CNTNAP2: variants seen among roughly 807,000 people sequenced by gnomAD.
CNTNAP2 encodes contactin associated protein 2.
Under a neutral mutation model 155.2 loss-of-function variants are expected in CNTNAP2, and 98 were observed. That is an observed-to-expected ratio of 0.63 (90% CI 0.54 to 0.75). The LOEUF (loss-of-function observed/expected upper bound fraction) is 0.75. CNTNAP2 is among the 30% of genes least tolerant of loss of function. The pLI is 0.00. For missense variants in CNTNAP2, 1,727 were observed against 1,688.1 expected, an observed-to-expected ratio of 1.02 and a Z score of -0.40; for synonymous variants, 651 against 631.2, an observed-to-expected ratio of 1.03 and a Z score of -0.47.
At chr7:148,076,798 C>A (rs1045923009) in intron 15 of CNTNAP2, among the ~76,000 whole-genome samples, 1 of 152,090 alleles carries the variant, frequency 6.6e-6, no homozygotes, top group Non-Finnish European at 1.5e-5. Flanking sequence ...TCCCCTCTTA[C>A]TTTCCACCAT....
chr7:147,889,238 C>T (rs1270498551), intron 13 of CNTNAP2, among the ~76,000 whole-genome samples: 2 of 151,412 alleles, frequency 1.3e-5, no homozygotes, highest in Admixed American at 1.3e-4. Flanking sequence ...ACATTAGTAA[C>T]AATAAAAAGC....
At chr7:147,425,734 A>C (rs915246017) in intron 10 of CNTNAP2, among the ~76,000 whole-genome samples, 1 of 152,118 alleles carries the variant, frequency 6.6e-6, no homozygotes, top group Non-Finnish European at 1.5e-5. Context: ...GAAAATATCG[A>C]AGAGATGAAT....
intron 15 of CNTNAP2, among the ~76,000 whole-genome samples, chr7:147,999,854 C>T (rs1801867529): frequency 6.6e-6 from 1 of 152,284 alleles, no homozygotes; most frequent in African/African-American, 2.4e-5. Flanking sequence ...CTGCCAGAGC[C>T]TGGGAGAGAG....
intron 13 of CNTNAP2, among the ~76,000 whole-genome samples, chr7:147,736,974 C>T (rs1584928913): frequency 6.6e-6 from 1 of 152,288 alleles, no homozygotes; most frequent in African/African-American, 2.4e-5. Flanking sequence ...CGAACTTCTT[C>T]CTTTAGCTCA....
intron 3 of CNTNAP2, among the ~76,000 whole-genome samples, chr7:146,957,812 G>A (rs1418097124): frequency 5.3e-5 from 8 of 152,050 alleles, no homozygotes; most frequent in Non-Finnish European, 7.4e-5. Context: ...TTAGAACAAT[G>A]AACAAAGAAT....
At chr7:146,810,014 T>C (rs899663323) in intron 2 of CNTNAP2, among the ~76,000 whole-genome samples, 3 of 152,192 alleles carry the variant, frequency 2.0e-5, no homozygotes, top group Non-Finnish European at 2.9e-5. Flanking sequence ...ACATTTGGAG[T>C]TAATTTTTGT....
chr7:146,551,391 T>C (rs370857050), intron 1 of CNTNAP2, among the ~76,000 whole-genome samples: 1 of 152,064 alleles, frequency 6.6e-6, no homozygotes, highest in Non-Finnish European at 1.5e-5. Context: ...ATGTGGTGTT[T>C]GGTTTTTTGT....
At chr7:146,407,415 C>A (rs957362421) in intron 1 of CNTNAP2, among the ~76,000 whole-genome samples, 1 of 152,032 alleles carries the variant, frequency 6.6e-6, no homozygotes, top group Non-Finnish European at 1.5e-5. Flanking sequence ...ATGAAATGTA[C>A]GATTTTACCA....
At chr7:147,829,145 A>G (rs1798508505) in intron 13 of CNTNAP2, among the ~76,000 whole-genome samples, 1 of 152,192 alleles carries the variant, frequency 6.6e-6, no homozygotes, top group African/African-American at 2.4e-5. Flanking sequence ...AGGACATCAG[A>G]ACATAATGCA....
rs565501709 is a variant in CNTNAP2, at chr7:147,093,378, T to C, written c.551-14769T>C. 1.1e-4 allele frequency among the ~76,000 whole-genome samples: 17 copies of C among 152,240 alleles called. 1 individual carries two copies. The South Asian group carries it at 3.5e-3, about 32-fold the overall frequency. ...ATTAAATTAAATATTTATTATATTCTGCTGACATATATGTGGTAGTTTGAA... is the reference window on the plus strand; with the variant it reads ...ATTAAATTAAATATTTATTATATTCCGCTGACATATATGTGGTAGTTTGAA... On this transcript the variant is annotated intron_variant, in intron 4 of 23. Coordinates refer to ENST00000361727, the MANE Select transcript of CNTNAP2 (RefSeq NM_014141.6).
intron 3 of CNTNAP2, among the ~76,000 whole-genome samples, chr7:146,995,502 C>G (rs1798292399): frequency 6.6e-6 from 1 of 151,946 alleles, no homozygotes. Context: ...CACTTGTTAT[C>G]TTTTTTCTTT....
intron 19 of CNTNAP2, among the ~76,000 whole-genome samples, chr7:148,219,100 G>A (rs1488812479): frequency 2.6e-5 from 4 of 151,570 alleles, no homozygotes; most frequent in South Asian, 2.1e-4. Context: ...GCACCACCAC[G>A]CCTGGCTAAT....
At chr7:147,635,566 T>C (rs1795166504) in intron 12 of CNTNAP2, among the ~76,000 whole-genome samples, 1 of 152,152 alleles carries the variant, frequency 6.6e-6, no homozygotes, top group Non-Finnish European at 1.5e-5. Flanking sequence ...TAACAGATAA[T>C]GCATAGGGGT....
chr7:147,097,241 T>C (rs986363324), intron 4 of CNTNAP2, among the ~76,000 whole-genome samples: 1 of 152,220 alleles, frequency 6.6e-6, no homozygotes, highest in Admixed American at 6.5e-5. Flanking sequence ...GTAGGGGTTG[T>C]TGATGGATGT....
intron 9 of CNTNAP2, among the ~76,000 whole-genome samples, chr7:147,372,558 T>C (rs776484530): frequency 1.3e-5 from 2 of 152,142 alleles, no homozygotes; most frequent in Non-Finnish European, 2.9e-5. Flanking sequence ...TTTTCTGTAA[T>C]TTAGTAAGTA....
chr7:146,836,840 G>A (rs750931298), intron 2 of CNTNAP2, among the ~76,000 whole-genome samples: 121 of 151,786 alleles, frequency 8.0e-4, no homozygotes, highest in African/African-American at 2.2e-3. Context: ...TGAATATTAC[G>A]TTATTTTTAT....
intron 1 of CNTNAP2, among the ~76,000 whole-genome samples, chr7:146,273,739 G>A (rs1584841247): frequency 6.6e-6 from 1 of 152,084 alleles, no homozygotes; most frequent in South Asian, 2.1e-4. Context: ...CACCTATTCT[G>A]CGGTCTGTGG....
chr7:146,261,397 T>C (rs1029622334), intron 1 of CNTNAP2, among the ~76,000 whole-genome samples: 4 of 151,606 alleles, frequency 2.6e-5, no homozygotes, highest in African/African-American at 9.7e-5. Context: ...CCTGCTCTCA[T>C]TTAAGTCATC....
intron 1 of CNTNAP2, among the ~76,000 whole-genome samples, chr7:146,748,764 GCTAT>G (rs752379368): frequency 2.6e-5 from 4 of 152,088 alleles, no homozygotes; most frequent in African/African-American, 7.2e-5. Flanking sequence ...AGATTAAATG[GCTAT>G]CTATTAAGAA....
Sources: gnomAD v4.1 joint callset for allele counts (sites outside exome capture counted in the v4.1 genomes callset) on GRCh38, gnomAD v4.1.1 for gene constraint, MANE v1.5 for transcripts, NCBI Gene and HGNC (gene_info 2026-07-23, HGNC 2026-07-21) for gene names.